CERS6: variants seen among roughly 807,000 people sequenced by gnomAD.
The protein encoded by CERS6 is ceramide synthase 6, also known as LAG1 homolog, ceramide synthase 6.
Under a neutral mutation model 56.8 loss-of-function variants are expected in CERS6, and 26 were observed. The observed-to-expected ratio is 0.46, with a 90% CI of 0.34 to 0.63. The LOEUF is 0.63. Among genes scored for constraint, CERS6 ranks in the 30% least tolerant of loss-of-function variants. The pLI is 0.01. For missense variants in CERS6, 415 were observed against 467.5 expected (o/e 0.89, Z 1.04); for synonymous variants, 164 against 173.3 (o/e 0.95, Z 0.42).
At chr2:168,525,518 A>G (rs1396689967) in intron 1 of CERS6, among the ~76,000 whole-genome samples, 2 of 152,232 alleles carry the variant, frequency 1.3e-5, no homozygotes, top group East Asian at 1.9e-4. Context: ...ACCAATGCTT[A>G]TGGTTCTTGG....
At chr2:168,538,962 G>T (rs1574051694) in intron 1 of CERS6, among the ~76,000 whole-genome samples, 4 of 4,822 alleles carry the variant, frequency 8.3e-4, no homozygotes, top group African/African-American at 8.8e-4. Context: ...GGAAAATATT[G>T]TTTTTTTTTT....
Position 168,770,099 on chromosome 2 carries a change from A to G in CERS6, c.*437A>G, listed in dbSNP as rs923668254. The G allele has an allele frequency of 1.1e-5, 2 of 184,512 alleles. No individual in the cohort carries two copies. The highest frequency in any genetic ancestry group is 2.4e-5 in the African/African-American group (1 of 41,618). 11.4% of individuals were successfully genotyped at this position (184,512 alleles called of 1,614,324 possible). ...TAGAGCAAGCAAAACCCAGTGCAAG[A>G]GTCTCGTTCAGCTCTAAATAGGTTT... On this transcript the variant is annotated 3_prime_UTR_variant, in exon 10 of 10. Coordinates refer to ENST00000305747, the MANE Select transcript of CERS6 (RefSeq NM_203463.3).
chr2:168,655,834 G>A (rs1038939906), intron 4 of CERS6, among the ~76,000 whole-genome samples: 22 of 152,182 alleles, frequency 1.4e-4, no homozygotes, highest in African/African-American at 5.1e-4. Flanking sequence ...GTATATTAGG[G>A]ATTTTTGTTA....
At chr2:168,726,246 T>G (rs895560093) in intron 8 of CERS6, among the ~76,000 whole-genome samples, 1 of 152,230 alleles carries the variant, frequency 6.6e-6, no homozygotes, top group African/African-American at 2.4e-5. Context: ...AGTCAGTGAT[T>G]CACCGGGCTC....
intron 4 of CERS6, among the ~76,000 whole-genome samples, chr2:168,649,516 A>G (rs1685291695): frequency 6.6e-6 from 1 of 152,148 alleles, no homozygotes; most frequent in Admixed American, 6.5e-5. Flanking sequence ...TTTAATTTCT[A>G]CTAAAATTAT....
At chr2:168,571,024 C>T (rs1279551445) in intron 3 of CERS6, among the ~76,000 whole-genome samples, 5 of 152,114 alleles carry the variant, frequency 3.3e-5, no homozygotes, top group Admixed American at 1.3e-4. Context: ...AAAGTGGTTT[C>T]CTTCTAGGGC....
At chr2:168,459,448 A>G (rs1334901639) in intron 1 of CERS6, among the ~76,000 whole-genome samples, 5 of 152,266 alleles carry the variant, frequency 3.3e-5, no homozygotes, top group African/African-American at 1.2e-4. Flanking sequence ...GCATATGGAC[A>G]GCAATATGGA....
chr2:168,510,759 A>G (rs1031307519), intron 1 of CERS6, among the ~76,000 whole-genome samples: 2 of 152,102 alleles, frequency 1.3e-5, no homozygotes, highest in East Asian at 3.8e-4. Flanking sequence ...CATTACTATC[A>G]TCTTGGCCAA....
At chr2:168,537,666 G>C (rs1326520663) in intron 1 of CERS6, among the ~76,000 whole-genome samples, 4 of 152,196 alleles carry the variant, frequency 2.6e-5, no homozygotes, top group African/African-American at 9.6e-5. Flanking sequence ...AGTCACCTTA[G>C]GGTTTATTTC....
intron 1 of CERS6, among the ~76,000 whole-genome samples, chr2:168,546,779 A>T (rs1695473669): frequency 6.6e-6 from 1 of 152,224 alleles, no homozygotes; most frequent in Non-Finnish European, 1.5e-5. Flanking sequence ...TTTCTTGAGC[A>T]TTTAGTCTAA....
chr2:168,592,462 A>C (rs1450246662), intron 3 of CERS6, among the ~76,000 whole-genome samples: 1 of 152,154 alleles, frequency 6.6e-6, no homozygotes, highest in Non-Finnish European at 1.5e-5. Context: ...CAGCAATGGC[A>C]GTCACTGAGG....
At chr2:168,614,348 T>C (rs998745395) in intron 3 of CERS6, among the ~76,000 whole-genome samples, 1 of 152,242 alleles carries the variant, frequency 6.6e-6, no homozygotes, top group Non-Finnish European at 1.5e-5. Flanking sequence ...TGTATTTTCT[T>C]TACAAACAAC....
At chr2:168,518,745 G>A (rs1694926355) in intron 1 of CERS6, among the ~76,000 whole-genome samples, 1 of 152,178 alleles carries the variant, frequency 6.6e-6, no homozygotes, top group South Asian at 2.1e-4. Flanking sequence ...AGTTCCAGCT[G>A]TCACTAATAC....
At chr2:168,612,263 G>A (rs899176516) in intron 3 of CERS6, among the ~76,000 whole-genome samples, 11 of 152,220 alleles carry the variant, frequency 7.2e-5, no homozygotes, top group African/African-American at 2.7e-4. Context: ...CTTCCTGAGA[G>A]CCAGTCCTAC....
chr2:168,684,847 G>A (rs771505953), intron 4 of CERS6, among the ~76,000 whole-genome samples: 2 of 152,196 alleles, frequency 1.3e-5, no homozygotes, highest in East Asian at 3.8e-4. Context: ...AAAATGTCCT[G>A]TGGAACTTAG....
intron 4 of CERS6, among the ~76,000 whole-genome samples, chr2:168,645,271 A>G (rs1685171114): frequency 1.3e-5 from 2 of 149,142 alleles, no homozygotes; most frequent in Admixed American, 6.7e-5. Flanking sequence ...ACCTTACCCA[A>G]GAAGAATGAC....
chr2:168,495,831 C>A (rs1337886106), intron 1 of CERS6, among the ~76,000 whole-genome samples: 2 of 152,170 alleles, frequency 1.3e-5, no homozygotes, highest in African/African-American at 4.8e-5. Context: ...TGCCCTTGTG[C>A]ACCTATCTGG....
At chr2:168,551,738 C>T (rs150394451) in intron 2 of CERS6, among the ~76,000 whole-genome samples, 9 of 152,308 alleles carry the variant, frequency 5.9e-5, no homozygotes, top group Non-Finnish European at 1.2e-4. Context: ...TTCTCCTCAA[C>T]TGTATTGGAA....
intron 4 of CERS6, among the ~76,000 whole-genome samples, chr2:168,673,299 CT>C (rs1436151851): frequency 5.3e-5 from 8 of 152,046 alleles, no homozygotes; most frequent in Admixed American, 5.2e-4. Context: ...ACAAAATGAG[CT>C]TTTTATTGTC....
Sources: gnomAD v4.1 joint callset for allele counts (sites outside exome capture counted in the v4.1 genomes callset) on GRCh38, gnomAD v4.1.1 for gene constraint, MANE v1.5 for transcripts, NCBI Gene and HGNC (gene_info 2026-07-23, HGNC 2026-07-21) for gene names.